The following FHIT variants were observed in gnomAD, a reference collection of about 807,000 sequenced individuals.
The protein encoded by FHIT is bis(5'-adenosyl)-triphosphatase.
FHIT carries 19 observed loss-of-function variants against 17.9 expected under a neutral mutation model. The observed-to-expected ratio is 1.06, with a 90% CI of 0.74 to 1.56. The LOEUF (loss-of-function observed/expected upper bound fraction) is 1.56, where lower values mean the gene tolerates loss of function less well. Among genes scored for constraint, FHIT ranks in the 40% most tolerant of loss-of-function variants. The pLI is 0.00. For missense variants in FHIT, 248 were observed against 189.2 expected (o/e 1.31, Z -1.82); for synonymous variants, 81 against 69.7 (o/e 1.16, Z -0.81).
chr3:60,525,016 G>A (rs143165085), intron 5 of FHIT, among the ~76,000 whole-genome samples: 2 of 152,206 alleles, frequency 1.3e-5, no homozygotes, highest in South Asian at 2.1e-4. Flanking sequence ...ATGGCAGGGG[G>A]TGGATGGAGG....
At chr3:59,973,220 T>G (rs1278000516) in intron 7 of FHIT, among the ~76,000 whole-genome samples, 4 of 152,126 alleles carry the variant, frequency 2.6e-5, no homozygotes, top group Admixed American at 1.3e-4. Flanking sequence ...ATCCTAACCG[T>G]ATAGTGACGC....
intron 5 of FHIT, among the ~76,000 whole-genome samples, chr3:60,289,205 C>T (rs1417926303): frequency 1.3e-5 from 2 of 152,124 alleles, no homozygotes; most frequent in African/African-American, 4.8e-5. Context: ...TATTAAATTT[C>T]CTACTGTACA....
At position 60,526,457 on chromosome 3, in the gene FHIT, G is replaced by T. The variant is rs140354447; in HGVS notation, c.103+10403C>A. Among the ~76,000 whole-genome samples, 18 of 152,176 alleles carry T rather than the reference G, an allele frequency of 1.2e-4. 1 individual carries two copies. Among genetic ancestry groups the T allele is most frequent in the African/African-American group, 4.3e-4 (18 of 41,512 alleles). ...GCCTGCCTCCTACTCGGACATTCAT[G>T]GTCATTTACAGGAACCGGGGGACCT... is the stretch of plus-strand genomic sequence containing the variant. On this transcript the variant is annotated intron_variant, in intron 5 of 9. Coordinates refer to ENST00000492590, the MANE Select transcript of FHIT (RefSeq NM_002012.4).
At chr3:59,853,647 A>G (rs188004668) in intron 8 of FHIT, among the ~76,000 whole-genome samples, 1 of 152,250 alleles carries the variant, frequency 6.6e-6, no homozygotes, top group Non-Finnish European at 1.5e-5. Flanking sequence ...ATTGAGAATA[A>G]TTTCCACAAA....
chr3:60,831,537 C>T (rs1308183381), intron 3 of FHIT, among the ~76,000 whole-genome samples: 1 of 152,064 alleles, frequency 6.6e-6, no homozygotes, highest in African/African-American at 2.4e-5. Context: ...GAAGAGAGAG[C>T]ACTGAATAAA....
At chr3:60,490,937 T>G (rs1452945276) in intron 5 of FHIT, among the ~76,000 whole-genome samples, 5 of 152,200 alleles carry the variant, frequency 3.3e-5, no homozygotes, top group Non-Finnish European at 7.3e-5. Flanking sequence ...TGCTTTGACC[T>G]TTGTGCTACC....
intron 8 of FHIT, among the ~76,000 whole-genome samples, chr3:59,826,654 G>T (rs566744587): frequency 6.6e-6 from 1 of 152,346 alleles, no homozygotes; most frequent in South Asian, 2.1e-4. Context: ...GCGCGAGTGC[G>T]CGCGAGTCTC....
intron 5 of FHIT, among the ~76,000 whole-genome samples, chr3:60,507,356 G>A (rs776685336): frequency 4.6e-5 from 7 of 152,182 alleles, no homozygotes; most frequent in Non-Finnish European, 8.8e-5. Context: ...GGGAGGCCTG[G>A]CATGTGGTGA....
chr3:61,123,439 A>T (rs7643983), intron 2 of FHIT, among the ~76,000 whole-genome samples: 74,291 of 151,788 alleles, frequency 0.49, 19,057 homozygotes, highest in Non-Finnish European at 0.56. Context: ...ACCATGGCAC[A>T]TGTATACCTA....
chr3:60,980,323 A>G (rs1274512658), intron 3 of FHIT, among the ~76,000 whole-genome samples: 1 of 152,210 alleles, frequency 6.6e-6, no homozygotes, highest in Non-Finnish European at 1.5e-5. Flanking sequence ...GAAAAACACC[A>G]CAAAAAATGT....
intron 1 of FHIT, among the ~76,000 whole-genome samples, chr3:61,238,834 C>T (rs2040295720): frequency 6.6e-6 from 1 of 152,216 alleles, no homozygotes; most frequent in Non-Finnish European, 1.5e-5. Context: ...ATCTGCCTCA[C>T]TACTGCTAGG....
At chr3:60,100,289 C>A (rs775613145) in intron 5 of FHIT, among the ~76,000 whole-genome samples, 1 of 151,978 alleles carries the variant, frequency 6.6e-6, no homozygotes, top group Non-Finnish European at 1.5e-5. Context: ...GAGGCTGAGA[C>A]AAGAGAATCG....
At chr3:60,657,624 C>G (rs982262964) in intron 4 of FHIT, among the ~76,000 whole-genome samples, 1 of 152,140 alleles carries the variant, frequency 6.6e-6, no homozygotes, top group Non-Finnish European at 1.5e-5. Context: ...CTTGACCAAA[C>G]GTTAATCAGG....
chr3:60,272,949 G>A (rs1706938974), intron 5 of FHIT, among the ~76,000 whole-genome samples: 1 of 152,206 alleles, frequency 6.6e-6, no homozygotes, highest in Non-Finnish European at 1.5e-5. Flanking sequence ...ATTAACGTAT[G>A]TCTAACAATT....
chr3:61,038,803 C>T (rs2033374029), intron 3 of FHIT, among the ~76,000 whole-genome samples: 1 of 152,098 alleles, frequency 6.6e-6, no homozygotes, highest in African/African-American at 2.4e-5. Context: ...GGTATACAAC[C>T]TGCTTGATAA....
intron 3 of FHIT, among the ~76,000 whole-genome samples, chr3:60,957,240 T>C (rs1409641477): frequency 6.9e-6 from 1 of 145,082 alleles, no homozygotes; most frequent in Non-Finnish European, 1.5e-5. Flanking sequence ...TTTCTTTTTT[T>C]TTTTTTTTTT....
chr3:60,959,002 G>A (rs1553779744), intron 3 of FHIT, among the ~76,000 whole-genome samples: 4 of 152,138 alleles, frequency 2.6e-5, no homozygotes. Flanking sequence ...TTCCATTCAG[G>A]GAATTTGCCA....
chr3:60,444,763 G>A (rs2031197971), intron 5 of FHIT, among the ~76,000 whole-genome samples: 1 of 151,778 alleles, frequency 6.6e-6, no homozygotes, highest in Admixed American at 6.6e-5. Context: ...GTTAATGGGT[G>A]CAGCACACCA....
At position 60,923,862 on chromosome 3, in the gene FHIT, A is replaced by C. The variant is rs558572348; in HGVS notation, c.-110-101851T>G. 7.5e-4 allele frequency among the ~76,000 whole-genome samples: 115 copies of C among 152,328 alleles called. 1 individual carries two copies. Among genetic ancestry groups the C allele is most frequent in the African/African-American group, 2.7e-3 (113 of 41,572 alleles). ...GGAAAATCGGGTCACTCCCACCCTA[A>C]TACTGTGCTTTTCCAATGGTCTTAG... is the stretch of plus-strand genomic sequence containing the variant. On this transcript the variant is annotated intron_variant, in intron 3 of 9. Transcript: ENST00000492590.
Sources: allele counts gnomAD v4.1 joint callset (sites outside exome capture counted in the v4.1 genomes callset), GRCh38; gene constraint gnomAD v4.1.1; transcripts MANE v1.5; gene names NCBI Gene and HGNC (gene_info 2026-07-23, HGNC 2026-07-21).